UVRAG: variants seen among roughly 807,000 people sequenced by gnomAD.
UVRAG encodes UV radiation resistance-associated gene protein.
Under a neutral mutation model 78.0 loss-of-function variants are expected in UVRAG, and 19 were observed. The ratio of observed to expected loss-of-function variants is 0.24; its 90% CI spans 0.17 to 0.36. The LOEUF (loss-of-function observed/expected upper bound fraction) is 0.36, where lower values mean the gene tolerates loss of function less well. UVRAG is among the 10% of genes least tolerant of loss of function. The pLI is 1.00. For synonymous variants in UVRAG, 323 were observed against 324.6 expected (o/e 1.00, Z 0.05); for missense variants, 740 against 853.8 (o/e 0.87, Z 1.66).
chr11:76,015,036 T>G lies in UVRAG; in HGVS notation c.1061-1779T>G, dbSNP rs569005137. On this transcript the variant is annotated intron_variant, in intron 11 of 14. Coordinates refer to ENST00000356136, the MANE Select transcript of UVRAG (RefSeq NM_003369.4). ...GCTGTTTGATTTTTTTCCATGGGTT[T>G]GTTTTAGAGAACAGACATTCCTTGA... 8.8e-4 allele frequency among the ~76,000 whole-genome samples: 134 copies of G among 152,290 alleles called. 1 individual carries two copies. The South Asian group carries it at 0.028, about 31-fold the overall frequency.
intron 13 of UVRAG, among the ~76,000 whole-genome samples, chr11:76,078,294 A>G (rs1328367075): frequency 1.3e-5 from 2 of 152,136 alleles, no homozygotes; most frequent in Non-Finnish European, 2.9e-5. Context: ...GAAATTCTAA[A>G]TTTTGGAACT....
At chr11:75,844,009 G>A (rs1266583161) in intron 1 of UVRAG, among the ~76,000 whole-genome samples, 3 of 150,346 alleles carry the variant, frequency 2.0e-5, no homozygotes, top group Admixed American at 6.6e-5. Flanking sequence ...TGGGTCTTTC[G>A]TTAGCCCTAA....
intron 6 of UVRAG, among the ~76,000 whole-genome samples, chr11:75,940,329 A>G (rs1948459895): frequency 6.6e-6 from 1 of 152,172 alleles, no homozygotes; most frequent in Non-Finnish European, 1.5e-5. Context: ...TCCTTTGACT[A>G]TAAAGGTGAC....
At chr11:75,892,673 G>C (rs1947239937) in intron 5 of UVRAG, among the ~76,000 whole-genome samples, 1 of 152,112 alleles carries the variant, frequency 6.6e-6, no homozygotes, top group Admixed American at 6.5e-5. Flanking sequence ...CAGTTAGTGA[G>C]CTTTGTTAAT....
At position 75,852,009 on chromosome 11, in the gene UVRAG, A is replaced by G; in HGVS notation, c.235+9A>G. The G allele has an allele frequency of 4.5e-6, 7 of 1,550,460 alleles. No homozygotes were observed. Among genetic ancestry groups the G allele is most frequent in the Non-Finnish European group, 6.1e-6 (7 of 1,138,778 alleles). On this transcript the variant is annotated intron_variant, in intron 2 of 14. Transcript: ENST00000356136. Reference sequence around the variant, plus strand: ...TGAAAAGATATATAAAGGTAAGGGGATCTGTGGCCTTACTACCCACAGATT... The same window carrying G: ...TGAAAAGATATATAAAGGTAAGGGGGTCTGTGGCCTTACTACCCACAGATT...
chr11:75,987,668 G>A (rs1949527267), intron 8 of UVRAG, among the ~76,000 whole-genome samples: 1 of 151,424 alleles, frequency 6.6e-6, no homozygotes, highest in South Asian at 2.1e-4. Flanking sequence ...TTTACTATAA[G>A]CATTTTTGTA....
chr11:76,132,272 AAAG>A (rs1357815695), intron 14 of UVRAG, among the ~76,000 whole-genome samples: 3 of 152,358 alleles, frequency 2.0e-5, no homozygotes, highest in South Asian at 2.1e-4. Flanking sequence ...AAGGAGGGAG[AAAG>A]AAGAAGATCA....
At chr11:76,017,248 G>T (rs898503529) in intron 12 of UVRAG, among the ~76,000 whole-genome samples, 1 of 152,058 alleles carries the variant, frequency 6.6e-6, no homozygotes, top group African/African-American at 2.4e-5. Context: ...CTTTTGTGAG[G>T]ATAAGTGTCA....
chr11:76,118,379 C>T (rs779704972), intron 14 of UVRAG, among the ~76,000 whole-genome samples: 9 of 152,024 alleles, frequency 5.9e-5, no homozygotes, highest in South Asian at 2.1e-4. Context: ...TTTATAACTT[C>T]GTTACTTTTT....
intron 8 of UVRAG, among the ~76,000 whole-genome samples, chr11:76,002,664 G>T (rs1949838740): frequency 6.6e-6 from 1 of 152,208 alleles, no homozygotes; most frequent in Admixed American, 6.5e-5. Flanking sequence ...GATTTGGGAA[G>T]GAGTTATATT....
intron 1 of UVRAG, among the ~76,000 whole-genome samples, chr11:75,839,427 A>T (rs1352808552): frequency 6.6e-6 from 1 of 152,054 alleles, no homozygotes; most frequent in Non-Finnish European, 1.5e-5. Context: ...CTTTATGTAC[A>T]TTAAATATTT....
chr11:75,930,982 T>TCTTTCTTTCTTC (rs1484646977), intron 6 of UVRAG: 2 of 151,662 alleles, frequency 1.3e-5, no homozygotes, highest in South Asian at 2.1e-4. Context: ...TTTCTTTCTT[T>TCTTTCTTTCTTC]CTTTCCATTT....
At chr11:75,970,103 G>A (rs1443818969) in intron 7 of UVRAG, among the ~76,000 whole-genome samples, 1 of 152,220 alleles carries the variant, frequency 6.6e-6, no homozygotes, top group Non-Finnish European at 1.5e-5. Flanking sequence ...AAGACTAGGA[G>A]AGAAGACACA....
At chr11:75,949,592 G>T (rs977348572) in intron 6 of UVRAG, among the ~76,000 whole-genome samples, 1 of 151,476 alleles carries the variant, frequency 6.6e-6, no homozygotes, top group Non-Finnish European at 1.5e-5. Flanking sequence ...GTTCTACATC[G>T]CAGTAAATAG....
At chr11:75,939,413 G>A (rs1331467090) in intron 6 of UVRAG, among the ~76,000 whole-genome samples, 1 of 152,144 alleles carries the variant, frequency 6.6e-6, no homozygotes, top group Admixed American at 6.5e-5. Flanking sequence ...AGAACTCAGA[G>A]CTTAGAGTTA....
intron 12 of UVRAG, among the ~76,000 whole-genome samples, chr11:76,042,108 A>G (rs1265943710): frequency 6.6e-6 from 1 of 152,232 alleles, no homozygotes; most frequent in African/African-American, 2.4e-5. Flanking sequence ...AAAGATGTTT[A>G]GTACATCATT....
At chr11:75,861,654 C>A in intron 2 of UVRAG, 92 bp from the exon 3 acceptor site, 3 of 811,916 alleles carry the variant, frequency 3.7e-6, no homozygotes, top group Non-Finnish European at 4.0e-6. Flanking sequence ...TGTTTTACTG[C>A]AACATATGTT....
chr11:76,007,730 G>T (rs1949974199), intron 10 of UVRAG, 109 bp downstream of exon 10: 1 of 810,400 alleles, frequency 1.2e-6, no homozygotes. Flanking sequence ...CATATGCTCT[G>T]TCATGATTCA....
chr11:76,024,238 T>C (rs1330751544), intron 12 of UVRAG, among the ~76,000 whole-genome samples: 1 of 152,212 alleles, frequency 6.6e-6, no homozygotes, highest in African/African-American at 2.4e-5. Flanking sequence ...TTGCACACTT[T>C]AATTTGTGAA....
Sources: gnomAD v4.1 joint callset for allele counts (sites outside exome capture counted in the v4.1 genomes callset) on GRCh38, gnomAD v4.1.1 for gene constraint, MANE v1.5 for transcripts, NCBI Gene and HGNC (gene_info 2026-07-23, HGNC 2026-07-21) for gene names.